RABGAP1L: variants seen among roughly 807,000 people sequenced by gnomAD.
RABGAP1L encodes RAB GTPase activating protein 1 like.
RABGAP1L carries 63 observed loss-of-function variants against 137.7 expected under a neutral mutation model. The ratio of observed to expected loss-of-function variants is 0.46; its 90% CI spans 0.37 to 0.56. The LOEUF (loss-of-function observed/expected upper bound fraction) is 0.56. RABGAP1L is among the 20% of genes least tolerant of loss of function. RABGAP1L has a pLI of 0.00. For missense variants in RABGAP1L, 1,095 were observed against 1,244.0 expected (o/e 0.88, Z 1.80); for synonymous variants, 431 against 433.7 (o/e 0.99, Z 0.08).
At chr1:174,371,499 A>G (rs1685108761) in intron 12 of RABGAP1L, among the ~76,000 whole-genome samples, 1 of 152,138 alleles carries the variant, frequency 6.6e-6, no homozygotes, top group Non-Finnish European at 1.5e-5. Context: ...GCTGATTGTT[A>G]ACTGACACAG....
At chr1:174,947,411 C>A (rs1011893962) in intron 19 of RABGAP1L, among the ~76,000 whole-genome samples, 5 of 151,022 alleles carry the variant, frequency 3.3e-5, no homozygotes, top group African/African-American at 1.2e-4. Context: ...TGTTTAATTT[C>A]TTTCTTTCTT....
intron 20 of RABGAP1L, among the ~76,000 whole-genome samples, chr1:174,960,218 A>G (rs1400004655): frequency 1.3e-5 from 2 of 152,182 alleles, no homozygotes; most frequent in Non-Finnish European, 2.9e-5. Context: ...ATATAATAAG[A>G]TATTTTAAGA....
intron 13 of RABGAP1L, among the ~76,000 whole-genome samples, chr1:174,574,801 C>G (rs999343620): frequency 3.3e-5 from 5 of 152,174 alleles, no homozygotes; most frequent in African/African-American, 1.2e-4. Flanking sequence ...ATGGCACAAA[C>G]AGACATGAAA....
chr1:174,537,339 G>A (rs1368689552), intron 13 of RABGAP1L, among the ~76,000 whole-genome samples: 1 of 152,150 alleles, frequency 6.6e-6, no homozygotes, highest in African/African-American at 2.4e-5. Context: ...TTTAACCTAT[G>A]CTGCGTATAA....
In RABGAP1L at chr1:174,722,415, T is replaced by C. The variant is rs7520862; in HGVS notation, c.2169+20159T>C. ...TAATTAGGGTCTCGGAACATGAATA[T>C]GACTAGCTTTTCCCATTTTTCCTTT... On this transcript the variant is annotated intron_variant, in intron 17 of 25. Coordinates refer to ENST00000681986, the MANE Select transcript of RABGAP1L (RefSeq NM_001366446.1). Among the ~76,000 whole-genome samples, 1,382 of 152,226 alleles carry C rather than the reference T, an allele frequency of 9.1e-3. 26 individuals carry two copies. Among genetic ancestry groups the C allele is most frequent in the African/African-American group, 0.032 (1,333 of 41,556 alleles).
intron 4 of RABGAP1L, among the ~76,000 whole-genome samples, chr1:174,232,549 C>A (rs577688604): frequency 6.6e-6 from 1 of 151,120 alleles, no homozygotes; most frequent in East Asian, 2.0e-4. Flanking sequence ...TTTGGAAGGC[C>A]GAGGTGGGTG....
intron 13 of RABGAP1L, among the ~76,000 whole-genome samples, chr1:174,454,109 A>G (rs971319899): frequency 3.9e-5 from 6 of 152,082 alleles, no homozygotes; most frequent in African/African-American, 1.4e-4. Context: ...CTAAAAATAC[A>G]AAAATTAGCT....
chr1:174,746,250 T>C (rs146214101), intron 17 of RABGAP1L, among the ~76,000 whole-genome samples: 110 of 152,366 alleles, frequency 7.2e-4, no homozygotes, highest in Non-Finnish European at 1.3e-4. Flanking sequence ...GGAGCAATTA[T>C]TCAATTTGGG....
intron 13 of RABGAP1L, among the ~76,000 whole-genome samples, chr1:174,463,129 A>G (rs1656885665): frequency 6.6e-6 from 1 of 152,146 alleles, no homozygotes; most frequent in South Asian, 2.1e-4. Flanking sequence ...CTAGAACTAG[A>G]AATACCATTT....
intron 1 of RABGAP1L, 50 bp from the exon 2 acceptor site, chr1:174,219,075 C>A (rs1669556323): frequency 3.8e-6 from 5 of 1,319,800 alleles, no homozygotes; most frequent in African/African-American, 3.1e-5. Flanking sequence ...TTAATTAGTT[C>A]ATGTTTTTAA....
intron 19 of RABGAP1L, among the ~76,000 whole-genome samples, chr1:174,907,237 G>A (rs1487060209): frequency 6.6e-6 from 1 of 152,090 alleles, no homozygotes; most frequent in Admixed American, 6.6e-5. Flanking sequence ...GTCAAAAGGG[G>A]GAGGCAGAGT....
intron 15 of RABGAP1L, among the ~76,000 whole-genome samples, chr1:174,690,864 G>A (rs1201210562): frequency 4.6e-5 from 6 of 130,088 alleles, no homozygotes; most frequent in Admixed American, 4.6e-4. Context: ...ACATGGTCTC[G>A]CTCTATGACC....
chr1:174,166,846 C>G (rs953965579), intron 1 of RABGAP1L, among the ~76,000 whole-genome samples: 1 of 152,170 alleles, frequency 6.6e-6, no homozygotes, highest in Non-Finnish European at 1.5e-5. Flanking sequence ...AATAGCTCAT[C>G]ATGGAAGTGT....
chr1:174,358,204 T>C (rs1159706237), intron 11 of RABGAP1L, among the ~76,000 whole-genome samples: 1 of 152,200 alleles, frequency 6.6e-6, no homozygotes, highest in African/African-American at 2.4e-5. Flanking sequence ...GCCTTCGGTG[T>C]AAAATGAAGA....
In RABGAP1L at chr1:174,291,761, TC is replaced by T. The variant is rs566632809; in HGVS notation, c.1323+12983del. On this transcript the variant is annotated intron_variant, in intron 10 of 25. Coordinates refer to ENST00000681986, the MANE Select transcript of RABGAP1L (RefSeq NM_001366446.1). ...AATATTGACCTATTTTTTTTAAACA[TC>T]TATAGGGTTTGTAGGATCTTCCTTT... Among the ~76,000 whole-genome samples the T allele has an allele frequency of 2.7e-3, 415 of 152,160 alleles. 2 individuals carry two copies. Among genetic ancestry groups the T allele is most frequent in the Non-Finnish European group, 4.2e-3 (286 of 67,972 alleles).
At chr1:174,918,742 G>A (rs7514183) in intron 19 of RABGAP1L, among the ~76,000 whole-genome samples, 58,922 of 151,876 alleles carry the variant, frequency 0.39, 14,323 homozygotes, top group African/African-American at 0.69. Context: ...GTGCCACTGC[G>A]CTTCATCCTG....
At chr1:174,755,402 G>T (rs994478875) in intron 18 of RABGAP1L, among the ~76,000 whole-genome samples, 2 of 152,330 alleles carry the variant, frequency 1.3e-5, no homozygotes, top group East Asian at 3.9e-4. Context: ...ATAGACTGGA[G>T]ATGATCAGTC....
chr1:174,392,635 G>A (rs913311184), intron 12 of RABGAP1L, among the ~76,000 whole-genome samples: 1 of 152,174 alleles, frequency 6.6e-6, no homozygotes, highest in African/African-American at 2.4e-5. Flanking sequence ...GGAAGTTTTA[G>A]TTTTTTTCTG....
At chr1:174,546,088 A>T (rs1192818067) in intron 13 of RABGAP1L, among the ~76,000 whole-genome samples, 5 of 152,210 alleles carry the variant, frequency 3.3e-5, no homozygotes, top group African/African-American at 4.8e-5. Context: ...TCTAGCCTGT[A>T]AACTCCTTTA....
Sources: allele counts gnomAD v4.1 joint callset (sites outside exome capture counted in the v4.1 genomes callset), GRCh38; gene constraint gnomAD v4.1.1; transcripts MANE v1.5; gene names NCBI Gene and HGNC (gene_info 2026-07-23, HGNC 2026-07-21).